The following DSCAM variants were observed in gnomAD, a reference collection of about 807,000 sequenced individuals.
The protein encoded by DSCAM is cell adhesion molecule DSCAM.
Under a neutral mutation model 217.7 loss-of-function variants are expected in DSCAM, and 47 were observed. The ratio of observed to expected loss-of-function variants is 0.22; its 90% CI spans 0.17 to 0.28. DSCAM has a LOEUF of 0.28. Among genes scored for constraint, DSCAM ranks in the 10% least tolerant of loss-of-function variants. The probability of loss-of-function intolerance (pLI) is 1.00; values close to 1 mark genes in which losing one functional copy is unlikely to be tolerated. For synonymous variants in DSCAM, 1,056 were observed against 1,015.3 expected, an observed-to-expected ratio of 1.04 and a Z score of -0.76; for missense variants, 2,080 against 2,618.3, an observed-to-expected ratio of 0.79 and a Z score of 4.49.
chr21:40,498,628 A>ATG (rs747573548), intron 3 of DSCAM, among the ~76,000 whole-genome samples: 10,428 of 86,210 alleles, frequency 0.12, 859 homozygotes, highest in East Asian at 0.21. Context: ...TATATGCACT[A>ATG]TGTATATATA....
intron 3 of DSCAM, among the ~76,000 whole-genome samples, chr21:40,607,075 G>A (rs1343171919): frequency 1.3e-5 from 2 of 151,804 alleles, no homozygotes; most frequent in Admixed American, 6.6e-5. Context: ...TCTTGGGTAT[G>A]TCTTTATTAG....
At chr21:40,110,953 A>G (rs1246671447) in intron 20 of DSCAM, among the ~76,000 whole-genome samples, 1 of 152,222 alleles carries the variant, frequency 6.6e-6, no homozygotes, top group African/African-American at 2.4e-5. Flanking sequence ...TGTGCCTGAA[A>G]GTGACAGAGA....
At chr21:40,492,975 A>T (rs899326566) in intron 3 of DSCAM, among the ~76,000 whole-genome samples, 1 of 152,164 alleles carries the variant, frequency 6.6e-6, no homozygotes, top group Non-Finnish European at 1.5e-5. Flanking sequence ...AGGAGCCTGA[A>T]AACAGCAAGA....
At chr21:40,700,386 G>A (rs1027073334) in intron 2 of DSCAM, among the ~76,000 whole-genome samples, 4 of 152,194 alleles carry the variant, frequency 2.6e-5, no homozygotes, top group African/African-American at 4.8e-5. Flanking sequence ...ATGGTTTTCT[G>A]AGAGTTCTTT....
At chr21:40,694,207 A>G (rs1443874303) in intron 2 of DSCAM, among the ~76,000 whole-genome samples, 2 of 152,184 alleles carry the variant, frequency 1.3e-5, no homozygotes, top group East Asian at 3.8e-4. Flanking sequence ...GTTTTCCTCA[A>G]ATTTAAAATG....
At chr21:40,250,902 C>G (rs2073294595) in intron 11 of DSCAM, among the ~76,000 whole-genome samples, 1 of 152,216 alleles carries the variant, frequency 6.6e-6, no homozygotes, top group South Asian at 2.1e-4. Flanking sequence ...CTCCAAGACC[C>G]TGTCCTTCTT....
chr21:40,172,458 C>T (rs981150927), intron 15 of DSCAM, among the ~76,000 whole-genome samples: 8 of 152,228 alleles, frequency 5.3e-5, no homozygotes, highest in South Asian at 2.1e-4. Flanking sequence ...GATTGCCAAA[C>T]GCATGGATCT....
intron 3 of DSCAM, among the ~76,000 whole-genome samples, chr21:40,683,570 G>A (rs1032636048): frequency 2.0e-5 from 3 of 152,150 alleles, no homozygotes; most frequent in Non-Finnish European, 2.9e-5. Flanking sequence ...AATTACTAAA[G>A]AGAAGCTGTC....
chr21:40,441,340 G>A (rs1477782400), intron 3 of DSCAM, among the ~76,000 whole-genome samples: 1 of 152,158 alleles, frequency 6.6e-6, no homozygotes, highest in African/African-American at 2.4e-5. Flanking sequence ...GCTCCCTGGA[G>A]GCCGAATAAG....
chr21:40,178,708 A>T (rs1464750330), intron 15 of DSCAM, among the ~76,000 whole-genome samples: 2 of 152,204 alleles, frequency 1.3e-5, no homozygotes, highest in Admixed American at 1.3e-4. Context: ...AGTCTTGGGT[A>T]TGGGAAACTT....
chr21:40,479,652 TG>T (rs2075965571), intron 3 of DSCAM, among the ~76,000 whole-genome samples: 1 of 152,128 alleles, frequency 6.6e-6, no homozygotes, highest in Non-Finnish European at 1.5e-5. Flanking sequence ...GAGAACAGCA[TG>T]GGTAAACCTG....
chr21:40,831,863 C>T (rs370212085), intron 1 of DSCAM, among the ~76,000 whole-genome samples: 19 of 152,128 alleles, frequency 1.2e-4, no homozygotes, highest in African/African-American at 4.6e-4. Flanking sequence ...CATTTATACA[C>T]CGATTTTTAA....
chr21:40,717,566 C>T (rs969422255), intron 1 of DSCAM, among the ~76,000 whole-genome samples: 10 of 152,142 alleles, frequency 6.6e-5, no homozygotes, highest in Admixed American at 1.3e-4. Context: ...CCACAAAAGG[C>T]CACATACTGT....
intron 3 of DSCAM, among the ~76,000 whole-genome samples, chr21:40,461,986 A>C (rs2075809687): frequency 6.6e-6 from 1 of 152,208 alleles, no homozygotes; most frequent in African/African-American, 2.4e-5. Flanking sequence ...CAATAGTATG[A>C]CAATAACTTT....
intron 3 of DSCAM, among the ~76,000 whole-genome samples, chr21:40,381,731 T>A (rs1050071363): frequency 6.6e-6 from 1 of 152,238 alleles, no homozygotes; most frequent in Non-Finnish European, 1.5e-5. Context: ...CACTATGTTG[T>A]GGCCACTTAA....
At chr21:40,259,711 T>C (rs2073423720) in intron 11 of DSCAM, among the ~76,000 whole-genome samples, 1 of 131,908 alleles carries the variant, frequency 7.6e-6, no homozygotes, top group South Asian at 2.8e-4. Context: ...TCTCGCTCTG[T>C]CGCCCAGGCT....
rs572153145 is a variant in DSCAM at position 40,416,913 on chromosome 21, A to G, written c.509-47668T>C. 1.1e-4 allele frequency among the ~76,000 whole-genome samples: 17 copies of G among 152,270 alleles called. No individual in the cohort carries two copies. The South Asian group carries it at 3.5e-3, about 32-fold the overall frequency. ...TCATGCCCCCCAAAAATGCTTTATA[A>G]TTTCAAAATTCAAGAACATCTCATG... On this transcript the variant is annotated intron_variant, in intron 3 of 32. Transcript: ENST00000400454.
chr21:40,147,413 A>G (rs1335880376), intron 16 of DSCAM, among the ~76,000 whole-genome samples: 1 of 152,218 alleles, frequency 6.6e-6, no homozygotes, highest in Non-Finnish European at 1.5e-5. Flanking sequence ...TAGCTTAACT[A>G]TAATAGACAA....
At chr21:40,475,464 T>C (rs967610785) in intron 3 of DSCAM, among the ~76,000 whole-genome samples, 1 of 152,230 alleles carries the variant, frequency 6.6e-6, no homozygotes, top group African/African-American at 2.4e-5. Context: ...TTGTGTGACC[T>C]TCGTCCTGGC....
Sources: gnomAD v4.1 joint callset for allele counts (sites outside exome capture counted in the v4.1 genomes callset) on GRCh38, gnomAD v4.1.1 for gene constraint, MANE v1.5 for transcripts, NCBI Gene and HGNC (gene_info 2026-07-23, HGNC 2026-07-21) for gene names.